MPHOSPH8: variants seen among roughly 807,000 people sequenced by gnomAD.
MPHOSPH8 encodes M-phase phosphoprotein, mpp.
Under a neutral mutation model 87.3 loss-of-function variants are expected in MPHOSPH8, and 45 were observed. The observed-to-expected ratio is 0.52, with a 90% CI of 0.41 to 0.66. The LOEUF (loss-of-function observed/expected upper bound fraction) is 0.66, where lower values mean the gene tolerates loss of function less well. Ranked by LOEUF, MPHOSPH8 falls within the 30% of genes least tolerant of loss-of-function variation. The probability of loss-of-function intolerance (pLI) is 0.00; values close to 1 mark genes in which losing one functional copy is unlikely to be tolerated. For synonymous variants in MPHOSPH8, 366 were observed against 376.9 expected, an observed-to-expected ratio of 0.97 and a Z score of 0.33; for missense variants, 883 against 1,020.2, an observed-to-expected ratio of 0.87 and a Z score of 1.83.
At chr13:19,666,004 G>A (rs891100387) in intron 9 of MPHOSPH8, among the ~76,000 whole-genome samples, 1 of 152,176 alleles carries the variant, frequency 6.6e-6, no homozygotes. Context: ...TGTCTACAGT[G>A]AAGGCCAGGC....
At chr13:19,660,877 C>T (rs895844923) in intron 7 of MPHOSPH8, 6 of 964,338 alleles carry the variant, frequency 6.2e-6, no homozygotes, top group African/African-American at 3.5e-5. Context: ...AAAATTTGAT[C>T]GTATGCCCCC....
chr13:19,668,050 G>A (rs1442118889), intron 10 of MPHOSPH8, among the ~76,000 whole-genome samples: 1 of 152,194 alleles, frequency 6.6e-6, no homozygotes, highest in African/African-American at 2.4e-5. Context: ...GTACTGAGGG[G>A]TTCCCCTTTC....
intron 3 of MPHOSPH8, among the ~76,000 whole-genome samples, chr13:19,647,594 ATTAAC>A (rs1359304360): frequency 7.2e-5 from 11 of 152,188 alleles, no homozygotes; most frequent in Admixed American, 5.9e-4. Flanking sequence ...AGCTTATTTT[ATTAAC>A]TTTTCACATC....
intron 1 of MPHOSPH8, among the ~76,000 whole-genome samples, chr13:19,637,824 G>A (rs984626986): frequency 2.6e-5 from 4 of 152,004 alleles, no homozygotes; most frequent in East Asian, 2.0e-4. Context: ...TATACAGGCC[G>A]GGCGCGGTGG....
In MPHOSPH8 at chr13:19,633,694, C is replaced by T; in HGVS notation, c.-55C>T. ...AGGGCCGAGCGCGGAACGCGAGGGG[C>T]TGCTGGGGTGTTTGTCGCAGCGGGT... On this transcript the variant is annotated 5_prime_UTR_variant, in exon 1 of 14. Coordinates refer to ENST00000361479, the MANE Select transcript of MPHOSPH8 (RefSeq NM_017520.4). 1 of 1,539,808 alleles carries T rather than the reference C, an allele frequency of 6.5e-7. No homozygotes were observed. Among genetic ancestry groups the T allele is most frequent in the Non-Finnish European group, 8.8e-7 (1 of 1,136,982 alleles).
rs199545207 is a variant in MPHOSPH8 at position 19,647,252 on chromosome 13, G to A, written c.1179G>A (p.Gly393=). ...AQTPKGRRLS[G]EERGLWSTDS... ...CGCCAAAGGGCCGGAGGTTGAGCGGGGAAGAGAGAGGCCTCTGGTCCACGG... is the reference window on the plus strand; with the variant it reads ...CGCCAAAGGGCCGGAGGTTGAGCGGAGAAGAGAGAGGCCTCTGGTCCACGG... The change falls in exon 3 of 14, where the codon GGG becomes GGA. Residue 393 remains glycine, a synonymous_variant. Transcript: ENST00000361479. 1.2e-5 allele frequency: 19 copies of A among 1,610,776 alleles called. No individual in the cohort carries two copies. In the East Asian group the frequency reaches 3.3e-4, roughly 28 times the overall value.
intron 8 of MPHOSPH8, among the ~76,000 whole-genome samples, chr13:19,662,124 A>G (rs1875571921): frequency 6.6e-6 from 1 of 151,908 alleles, no homozygotes; most frequent in Non-Finnish European, 1.5e-5. Context: ...TATTTTTAGT[A>G]GAGATGGGGT....
In MPHOSPH8 at chr13:19,673,106, T is replaced by G. The variant is rs760273921; in HGVS notation, c.*1231T>G. On this transcript the variant is annotated 3_prime_UTR_variant, in exon 14 of 14. Transcript: ENST00000361479. ...CTATACGGTTTTTTTTTGTTTTTTT[T>G]TTTTGAAAAGCCAGACCTTGTGCCC... 5.3e-5 allele frequency: 24 copies of G among 452,602 alleles called. No homozygotes were observed. Among genetic ancestry groups the G allele is most frequent in the South Asian group, 3.1e-4 (20 of 64,126 alleles). The allele number at this position is 452,602 out of a possible 1,614,324, so 28.0% of individuals were successfully genotyped here. A position where few individuals can be genotyped will look rare whatever the true frequency, so the allele number is the denominator to read the frequency against.
rs1250679205 is a variant in MPHOSPH8 at position 19,673,288 on chromosome 13, T to C, written c.*1413T>C. ...TGGGTTATGGAGAAGTTGAAAATTGTTTTGTTCCTCATTAGTTTATAATTG... is the reference window on the plus strand; with the variant it reads ...TGGGTTATGGAGAAGTTGAAAATTGCTTTGTTCCTCATTAGTTTATAATTG... On this transcript the variant is annotated 3_prime_UTR_variant, in exon 14 of 14. Coordinates refer to ENST00000361479, the MANE Select transcript of MPHOSPH8 (RefSeq NM_017520.4). The C allele has an allele frequency of 3.8e-5, 14 of 367,094 alleles. No individual in the cohort carries two copies. The highest frequency in any genetic ancestry group is 5.9e-5 in the Non-Finnish European group (11 of 186,030). 22.7% of individuals were successfully genotyped at this position (367,094 alleles called of 1,614,324 possible). A position where few individuals can be genotyped will look rare whatever the true frequency, so the allele number is the denominator to read the frequency against.
At chr13:19,642,294 G>C (rs1042357322) in intron 2 of MPHOSPH8, 24 bp downstream of exon 2, 1 of 1,530,870 alleles carries the variant, frequency 6.5e-7, no homozygotes, top group Non-Finnish European at 8.7e-7. Context: ...TCTCATATTT[G>C]TTTTTACATA....
intron 8 of MPHOSPH8, 48 bp from the exon 9 acceptor site, chr13:19,662,992 C>G (rs1268627291): frequency 3.4e-6 from 5 of 1,467,576 alleles, no homozygotes; most frequent in South Asian, 1.1e-5. Context: ...TGAAAACTGT[C>G]TTTTAAATAA....
At position 19,654,714 on chromosome 13, in the gene MPHOSPH8, C is replaced by T. The variant is rs184644095; in HGVS notation, c.1577-4281C>T. On this transcript the variant is annotated intron_variant, in intron 5 of 13. Coordinates refer to ENST00000361479, the MANE Select transcript of MPHOSPH8 (RefSeq NM_017520.4). ...CTGTATTCCCAGCACTTTGGGAGGC[C>T]GAGGCGGGTGAATCACCTGAGGTCG... Among the ~76,000 whole-genome samples the T allele has an allele frequency of 2.6e-5, 4 of 152,230 alleles. No individual in the cohort carries two copies. The East Asian group carries it at 7.7e-4, about 29-fold the overall frequency.
In MPHOSPH8 at chr13:19,661,846, GCTT is replaced by G; in HGVS notation, c.1932+12_1932+14del. 6.3e-7 allele frequency: 1 copy of G among 1,599,712 alleles called. No homozygotes were observed. On this transcript the variant is annotated intron_variant, in intron 8 of 13. Transcript: ENST00000361479. Reference sequence around the variant, plus strand: ...ATTCATGCTGCAGAGAAGGTTTGTGGCTTCTTATGCATCAGTTTCAGAGCTTTC... The same window carrying G: ...ATTCATGCTGCAGAGAAGGTTTGTGGCTTATGCATCAGTTTCAGAGCTTTC...
At chr13:19,669,278 T>A (rs999316399) in intron 11 of MPHOSPH8, among the ~76,000 whole-genome samples, 2 of 152,076 alleles carry the variant, frequency 1.3e-5, no homozygotes, top group Non-Finnish European at 2.9e-5. Context: ...GCCTTCTGGC[T>A]TCAAGTGATC....
In MPHOSPH8 at chr13:19,668,434, G is replaced by A; in HGVS notation, c.2232G>A (p.Leu744=). Residue 744 remains leucine (L), a synonymous_variant, in exon 11 of 14, where the codon CTG becomes CTA. Coordinates refer to ENST00000361479, the MANE Select transcript of MPHOSPH8 (RefSeq NM_017520.4). ...IKDYFEARLA[L]LEPVFPIACH... is the part of the protein sequence containing the mutation. Reference sequence around the variant, plus strand: ...ATTACTTTGAAGCTCGCCTTGCTCTGCTAGAACCAGTTTTTCCAATCGCAT... The same window carrying A: ...ATTACTTTGAAGCTCGCCTTGCTCTACTAGAACCAGTTTTTCCAATCGCAT... 1 of 1,614,102 alleles carries A rather than the reference G, an allele frequency of 6.2e-7. No individual in the cohort carries two copies. Among genetic ancestry groups the A allele is most frequent in the Non-Finnish European group, 8.5e-7 (1 of 1,179,990 alleles).
intron 4 of MPHOSPH8, among the ~76,000 whole-genome samples, chr13:19,649,214 T>C (rs550422901): frequency 6.6e-6 from 1 of 152,320 alleles, no homozygotes; most frequent in African/African-American, 2.4e-5. Context: ...AAATGCCTTC[T>C]ATTCTTCAAA....
chr13:19,639,247 C>A (rs891856472), intron 1 of MPHOSPH8, among the ~76,000 whole-genome samples: 1 of 151,202 alleles, frequency 6.6e-6, no homozygotes, highest in Non-Finnish European at 1.5e-5. Flanking sequence ...TAGTTGCTTG[C>A]GACTCCTCCT....
At chr13:19,653,329 G>A (rs1874963670) in intron 5 of MPHOSPH8, among the ~76,000 whole-genome samples, 1 of 152,216 alleles carries the variant, frequency 6.6e-6, no homozygotes, top group South Asian at 2.1e-4. Flanking sequence ...CAGCAGAGGT[G>A]CCTGTTAGAA....
intron 8 of MPHOSPH8, 145 bp downstream of exon 8, chr13:19,661,983 C>G (rs1375354554): frequency 8.0e-6 from 9 of 1,124,562 alleles, no homozygotes; most frequent in Non-Finnish European, 1.1e-5. Flanking sequence ...GCTCTGTCGC[C>G]GAGGCTGGAG....
Sources: gnomAD v4.1 joint callset for allele counts (sites outside exome capture counted in the v4.1 genomes callset) on GRCh38, gnomAD v4.1.1 for gene constraint, MANE v1.5 for transcripts, NCBI Gene and HGNC (gene_info 2026-07-23, HGNC 2026-07-21) for gene names.